Variants in PPM1E observed in about 807,000 individuals in gnomAD.
PPM1E encodes protein phosphatase 1E.
A neutral mutation model predicts 65.9 loss-of-function variants in PPM1E; 20 were observed. The ratio of observed to expected loss-of-function variants is 0.30; its 90% CI spans 0.21 to 0.44. The LOEUF is 0.44. Ranked by LOEUF, PPM1E falls within the 20% of genes least tolerant of loss-of-function variation. The pLI is 1.00. For synonymous variants in PPM1E, 352 were observed against 374.9 expected (o/e 0.94, Z 0.70); for missense variants, 713 against 953.1 (o/e 0.75, Z 3.32).
chr17:58,834,673 T>C (rs1046777098), intron 1 of PPM1E, among the ~76,000 whole-genome samples: 1 of 152,226 alleles, frequency 6.6e-6, no homozygotes, highest in Non-Finnish European at 1.5e-5. Context: ...TAAATTGCTT[T>C]TATGCCTTTG....
Position 58,980,108 on chromosome 17 carries a change from G to C in PPM1E, c.1345G>C (p.Val449Leu). The C allele has an allele frequency of 6.2e-7, 1 of 1,614,148 alleles. No homozygotes were observed. Among genetic ancestry groups the C allele is most frequent in the South Asian group, 1.1e-5 (1 of 91,076 alleles). The change falls in exon 7 of 7, where the codon GTT becomes CTT. Residue 449 changes from valine (V) to leucine (L), a missense_variant. By Grantham distance (32) the Val-to-Leu change is conservative. This residue lies in a region of PPM1E where 88 missense variants were observed against 231.1 expected (regional missense o/e 0.38). Transcript: ENST00000308249. This position sits in a 1 kb window ranked among gnomAD's most constrained non-coding sequence, Gnocchi z 4.7. ...DTVNPDEAVK[V>L]VSDHLKENNG... ...CGTGAACCCTGATGAGGCAGTGAAA[G>C]TTGTGTCCGACCACCTGAAAGAGAA...
At position 58,790,841 on chromosome 17, in the gene PPM1E, C is replaced by T. The variant is rs374956356; in HGVS notation, c.464+34380C>T. Among the ~76,000 whole-genome samples, 5 of 152,016 alleles carry T rather than the reference C, an allele frequency of 3.3e-5. No individual in the cohort carries two copies. The East Asian group carries it at 9.7e-4, about 29-fold the overall frequency. ...TTACTGCATTCATGTGTGAGAAGAT[C>T]GAGAACTACAGATCTGAGCTTTGTC... On this transcript the variant is annotated intron_variant, in intron 1 of 6. Transcript: ENST00000308249.
chr17:58,922,151 T>A (rs2051761194), intron 1 of PPM1E, among the ~76,000 whole-genome samples: 1 of 150,278 alleles, frequency 6.7e-6, no homozygotes, highest in South Asian at 2.1e-4. Context: ...TTTTTTTCAA[T>A]GAGGAGAGGG....
At chr17:58,935,159 G>A (rs999773101) in intron 1 of PPM1E, among the ~76,000 whole-genome samples, 15 of 150,920 alleles carry the variant, frequency 9.9e-5, no homozygotes, top group Non-Finnish European at 1.9e-4. Context: ...GCTGAGGCAG[G>A]AGAATCGCTT....
rs71367643 is a variant in PPM1E at position 58,904,856 on chromosome 17, C to CAAAA, written c.465-50779_465-50776dup. Among the ~76,000 whole-genome samples the CAAAA allele has an allele frequency of 4.5e-3, 467 of 103,884 alleles. 2 individuals are homozygous for CAAAA. Among genetic ancestry groups the CAAAA allele is most frequent in the Non-Finnish European group, 5.5e-3 (263 of 47,578 alleles). The allele number at this position is 103,884 out of a possible 152,430, so 68.2% of individuals were successfully genotyped here. On this transcript the variant is annotated intron_variant, in intron 1 of 6. Transcript: ENST00000308249. Reference sequence around the variant, plus strand: ...AGAAACCCCATCTCTACTAAAAATACAAAAAAAAAAAAAAAAATCAGCCGG... The same window carrying CAAAA: ...AGAAACCCCATCTCTACTAAAAATACAAAAAAAAAAAAAAAAAAAAATCAGCCGG...
At chr17:58,776,633 A>G (rs1374005481) in intron 1 of PPM1E, among the ~76,000 whole-genome samples, 1 of 152,142 alleles carries the variant, frequency 6.6e-6, no homozygotes. Flanking sequence ...TTTAGGTGTC[A>G]TTTATTGCTT....
At chr17:58,896,670 C>G (rs764163868) in intron 1 of PPM1E, among the ~76,000 whole-genome samples, 7 of 152,166 alleles carry the variant, frequency 4.6e-5, no homozygotes, top group Non-Finnish European at 8.8e-5. Flanking sequence ...GAAGCCAGCT[C>G]CGTAACTTAA....
intron 1 of PPM1E, among the ~76,000 whole-genome samples, chr17:58,910,538 A>T (rs368433008): frequency 5.3e-5 from 8 of 152,140 alleles, no homozygotes; most frequent in Admixed American, 5.2e-4. Flanking sequence ...TGCTTTTAGT[A>T]TGTCTTGTAA....
intron 1 of PPM1E, among the ~76,000 whole-genome samples, chr17:58,863,691 T>G (rs2050967749): frequency 6.6e-6 from 1 of 152,132 alleles, no homozygotes; most frequent in African/African-American, 2.4e-5. Flanking sequence ...TGCAGAGATT[T>G]TATTGAGCAA....
At chr17:58,843,600 G>T (rs146443619) in intron 1 of PPM1E, among the ~76,000 whole-genome samples, 8 of 152,110 alleles carry the variant, frequency 5.3e-5, no homozygotes, top group Non-Finnish European at 1.2e-4. Context: ...CGAGGCAAGC[G>T]GATTGCTTGC....
At chr17:58,809,977 T>A (rs779176059) in intron 1 of PPM1E, among the ~76,000 whole-genome samples, 24 of 152,220 alleles carry the variant, frequency 1.6e-4, no homozygotes, top group South Asian at 2.1e-4. Flanking sequence ...TACCAGATAT[T>A]AAAAATATTA....
chr17:58,953,147 A>G (rs760363960), intron 1 of PPM1E, among the ~76,000 whole-genome samples: 45 of 152,234 alleles, frequency 3.0e-4, no homozygotes, highest in Non-Finnish European at 5.7e-4. Context: ...GGAGGCACAT[A>G]GAGATCACTG....
chr17:58,943,233 C>T (rs759753518), intron 1 of PPM1E, among the ~76,000 whole-genome samples: 2 of 152,008 alleles, frequency 1.3e-5, no homozygotes, highest in East Asian at 3.9e-4. Flanking sequence ...TTCTCTTCTT[C>T]GCTTTATAGT....
intron 1 of PPM1E, among the ~76,000 whole-genome samples, chr17:58,793,539 G>A (rs1413118385): frequency 6.6e-6 from 1 of 151,150 alleles, no homozygotes. Flanking sequence ...TGTATTTTTA[G>A]TAGAGATGGG....
intron 1 of PPM1E, among the ~76,000 whole-genome samples, chr17:58,877,549 A>AT (rs975569674): frequency 2.0e-5 from 3 of 152,038 alleles, no homozygotes; most frequent in East Asian, 1.9e-4. Context: ...TTTTTGATAT[A>AT]TTTTTTCCAT....
At position 58,969,733 on chromosome 17, in the gene PPM1E, C is replaced by T; in HGVS notation, c.972+6C>T. ...TGCAGAAAGCAGCCAGGGAGGTATG[C>T]CCCTTTCTCATAAGTTCCAGCTAGA... is the stretch of plus-strand genomic sequence containing the variant. On this transcript the variant is annotated splice_donor_region_variant and intron_variant, in intron 4 of 6. Coordinates refer to ENST00000308249, the MANE Select transcript of PPM1E (RefSeq NM_014906.5). 6.2e-7 allele frequency: 1 copy of T among 1,613,418 alleles called. No individual in the cohort carries two copies. Among genetic ancestry groups the T allele is most frequent in the Non-Finnish European group, 8.5e-7 (1 of 1,179,592 alleles).
chr17:58,789,825 T>A (rs940753955), intron 1 of PPM1E, among the ~76,000 whole-genome samples: 7 of 151,958 alleles, frequency 4.6e-5, no homozygotes, highest in African/African-American at 1.5e-4. Context: ...GTTGCCTGTG[T>A]CAGACATTCA....
intron 1 of PPM1E, among the ~76,000 whole-genome samples, chr17:58,832,213 C>T (rs184571874): frequency 9.2e-5 from 14 of 152,238 alleles, no homozygotes; most frequent in African/African-American, 2.6e-4. Context: ...TCAGAAAATA[C>T]TGTTTCAAAT....
intron 1 of PPM1E, among the ~76,000 whole-genome samples, chr17:58,793,205 G>C: frequency 6.6e-6 from 1 of 151,428 alleles, no homozygotes; most frequent in Non-Finnish European, 1.5e-5. Flanking sequence ...TTGAATCTTT[G>C]TTATTTCCTT....
Sources: gnomAD v4.1 joint callset for allele counts (sites outside exome capture counted in the v4.1 genomes callset) on GRCh38, gnomAD v4.1.1 for gene constraint, gnomAD v4.1.1 regional missense constraint, Gnocchi (gnomAD v3.1) non-coding constraint, MANE v1.5 for transcripts, NCBI Gene and HGNC (gene_info 2026-07-23, HGNC 2026-07-21) for gene names.